PAN2: variants seen among roughly 807,000 people sequenced by gnomAD.
PAN2 encodes poly(A) specific ribonuclease subunit PAN2.
Under a neutral mutation model 133.3 loss-of-function variants are expected in PAN2, and 68 were observed. The observed-to-expected ratio is 0.51, with a 90% CI of 0.42 to 0.62. PAN2 has a LOEUF of 0.62. Among genes scored for constraint, PAN2 ranks in the 20% least tolerant of loss-of-function variants. PAN2 has a pLI of 0.00. For synonymous variants in PAN2, 462 were observed against 544.6 expected (o/e 0.85, Z 2.11); for missense variants, 1,042 against 1,500.5 (o/e 0.69, Z 5.05).
chr12:56,333,019 C>T lies in PAN2; in HGVS notation c.76G>A (p.Asp26Asn). 6.2e-7 allele frequency: 1 copy of T among 1,614,178 alleles called. No individual in the cohort carries two copies. Among genetic ancestry groups the T allele is most frequent in the Non-Finnish European group, 8.5e-7 (1 of 1,180,030 alleles). Residue 26 changes from aspartate (D) to asparagine (N), a missense_variant, in exon 2 of 26, where the codon GAT becomes AAT. By Grantham distance (23) the Asp-to-Asn change is conservative. Coordinates refer to ENST00000440411, the MANE Select transcript of PAN2 (RefSeq NM_014871.6). ...AGCAGACTTGGGTTCAGGTGGGCAT[C>T]CAAGACAGGGTCCAGGGCAGAATGC... ...AMHSALDPVL[D>N]AHLNPSLLQN...
At chr12:56,321,172 C>T (rs1422888073) in intron 20 of PAN2, among the ~76,000 whole-genome samples, 1 of 151,878 alleles carries the variant, frequency 6.6e-6, no homozygotes, top group African/African-American at 2.4e-5. Flanking sequence ...GTGATCCTCC[C>T]GCCTCAGCTT....
Position 56,325,343 on chromosome 12 carries a change from A to G in PAN2, c.1471T>C (p.Tyr491His). 6.2e-7 allele frequency: 1 copy of G among 1,614,110 alleles called. No individual in the cohort carries two copies. The highest frequency in any genetic ancestry group is 8.5e-7 in the Non-Finnish European group (1 of 1,179,996). ...CTGATGTCCCCCAGCACCTTGCGGT[A>G]TTTCTTAGAAACCATGTGGAGATGT... ...EPHLHMVSKKYRKVTIKYSKL... is the reference protein window; with the variant it reads ...EPHLHMVSKKHRKVTIKYSKL... The change falls in exon 9 of 26, where the codon TAC becomes CAC. Residue 491 changes from tyrosine to histidine, a missense_variant. By Grantham distance (83) the Tyr-to-His change is moderately conservative. Transcript: ENST00000440411.
chr12:56,320,745 CTTTTTTTTT>C (rs764563787), intron 20 of PAN2, among the ~76,000 whole-genome samples: 1 of 115,196 alleles, frequency 8.7e-6, no homozygotes, highest in African/African-American at 3.6e-5. Context: ...CTTACAGCTG[CTTTTTTTTT>C]TTTTTTTTTT....
At chr12:56,318,494 C>A in intron 24 of PAN2, 60 bp from the exon 25 acceptor site, 2 of 1,326,542 alleles carry the variant, frequency 1.5e-6, no homozygotes, top group Non-Finnish European at 2.2e-6. Context: ...GAACATGTCT[C>A]CCCACTCCTA....
chr12:56,332,565 A>G (rs75754909), intron 2 of PAN2, among the ~76,000 whole-genome samples: 6,800 of 147,536 alleles, frequency 0.046, 220 homozygotes, highest in Non-Finnish European at 0.068. Context: ...ACGCCATTGC[A>G]CTCTGGCCTA....
intron 20 of PAN2, among the ~76,000 whole-genome samples, chr12:56,321,544 TAAAA>T (rs11300464): frequency 1.4e-5 from 2 of 138,862 alleles, no homozygotes; most frequent in Non-Finnish European, 3.1e-5. Flanking sequence ...CTAGGCTAAT[TAAAA>T]AAAAAAAAAA....
rs1874666060 is a variant in PAN2, at chr12:56,322,461, A to G, written c.2659T>C (p.Tyr887His). 3 of 1,613,828 alleles carry G rather than the reference A, an allele frequency of 1.9e-6. No homozygotes were observed. The highest frequency in any genetic ancestry group is 2.2e-5 in the South Asian group (2 of 91,076). The change falls in exon 19 of 26, where the codon TAT becomes CAT. Residue 887 changes from tyrosine (Y) to histidine (H), a missense_variant. Transcript: ENST00000440411. Reference sequence around the variant, plus strand: ...TCAATAAGAAAGTCATTGAACAGATACCACTGCTGGTGAGTAACGCCCTAT... The same window carrying G: ...TCAATAAGAAAGTCATTGAACAGATGCCACTGCTGGTGAGTAACGCCCTAT... ...RKEGVTHQQW[Y>H]LFNDFLIEPI... is the part of the protein sequence containing the mutation.
In PAN2 at chr12:56,322,442, A is replaced by C; in HGVS notation, c.2678T>G (p.Leu893Arg). Residue 893 changes from leucine to arginine, a missense_variant, in exon 19 of 26, where the codon CTT becomes CGT. Around this residue, in one of 3 missense-constraint regions of PAN2, gnomAD observed 908 missense variants for 1,223.5 expected, o/e 0.74. Transcript: ENST00000440411. ...ACTAACCTTATCAATAGGTTCAATA[A>C]GAAAGTCATTGAACAGATACCACTG... Reference protein sequence around the residue: ...HQQWYLFNDFLIEPIDKHEAV... With the variant: ...HQQWYLFNDFRIEPIDKHEAV... The C allele has an allele frequency of 6.2e-7, 1 of 1,613,552 alleles. No homozygotes were observed. Among genetic ancestry groups the C allele is most frequent in the Non-Finnish European group, 8.5e-7 (1 of 1,179,424 alleles).
In PAN2 at chr12:56,319,592, G is replaced by T; in HGVS notation, c.3090+29C>A. On this transcript the variant is annotated intron_variant, in intron 22 of 25. Transcript: ENST00000440411. The surrounding 1 kb of genome is among the most constrained non-coding windows in gnomAD (Gnocchi z 5.4). ...GCACTGTAAGTAAGCACCAGGGTGT[G>T]CCTCACTTGCATCTCCATATCCTAA... 6.3e-7 allele frequency: 1 copy of T among 1,594,376 alleles called. No individual in the cohort carries two copies. Among genetic ancestry groups the T allele is most frequent in the Non-Finnish European group, 8.5e-7 (1 of 1,170,224 alleles).
In PAN2 at chr12:56,318,498, A is replaced by T. The variant is rs1049983332; in HGVS notation, c.3365-64T>A. ...AAGGGAGGTAGGAACATGTCTCCCCACTCCTACCTGACTCCAGAAAACTAA... is the reference window on the plus strand; with the variant it reads ...AAGGGAGGTAGGAACATGTCTCCCCTCTCCTACCTGACTCCAGAAAACTAA... On this transcript the variant is annotated intron_variant, in intron 24 of 25. Coordinates refer to ENST00000440411, the MANE Select transcript of PAN2 (RefSeq NM_014871.6). 1.1e-5 allele frequency: 14 copies of T among 1,267,308 alleles called. No individual in the cohort carries two copies. The African/African-American group carries it at 2.1e-4, about 19-fold the overall frequency. 78.5% of individuals were successfully genotyped at this position (1,267,308 alleles called of 1,614,324 possible). A position where few individuals can be genotyped will look rare whatever the true frequency, so the allele number is the denominator to read the frequency against.
At chr12:56,332,618 A>T (rs1876035285) in intron 2 of PAN2, 195 bp downstream of exon 2, 3 of 571,286 alleles carry the variant, frequency 5.3e-6, no homozygotes, top group Non-Finnish European at 9.3e-6. Flanking sequence ...AAAAAAAAAA[A>T]AGGGATGCCT....
intron 20 of PAN2, 123 bp from the exon 21 acceptor site, chr12:56,320,144 G>T: frequency 1.2e-6 from 1 of 830,948 alleles, no homozygotes; most frequent in Non-Finnish European, 1.9e-6. Flanking sequence ...CAAAGCACGT[G>T]AGAAAAAAGA....
At chr12:56,324,860 T>G in intron 10 of PAN2, 149 bp downstream of exon 10, 1 of 1,362,888 alleles carries the variant, frequency 7.3e-7, no homozygotes, top group South Asian at 1.4e-5. Flanking sequence ...CAGAGGAGAC[T>G]TGAAAGTTGT....
Position 56,322,060 on chromosome 12 carries a change from C to T in PAN2, c.2788+18G>A, listed in dbSNP as rs1874612644. 5 of 1,418,868 alleles carry T rather than the reference C, an allele frequency of 3.5e-6. No individual in the cohort carries two copies. The highest frequency in any genetic ancestry group is 2.3e-5 in the East Asian group (1 of 43,682). The allele number at this position is 1,418,868 out of a possible 1,614,324, so 87.9% of individuals were successfully genotyped here. ...ATCTAAACTGTCCACACACTTGGGT[C>T]TACTATGTAGCACTTACTGTTCAGG... On this transcript the variant is annotated intron_variant, in intron 20 of 25. Transcript: ENST00000440411.
rs560794203 is a variant in PAN2, at chr12:56,324,524, T to G, written c.1729-31A>C. On this transcript the variant is annotated intron_variant, in intron 11 of 25. Transcript: ENST00000440411. ...AATGTGTTGGTGGAAAGGGGTTATT[T>G]TGTCTTTTGTGTCCACCTTCCTTCC... 1,821 of 1,612,482 alleles carry G rather than the reference T, an allele frequency of 1.1e-3. 34 individuals are homozygous for G. The South Asian group carries it at 0.019, about 17-fold the overall frequency.
rs144721765 is a variant in PAN2, at chr12:56,323,810, G to A, written c.2169C>T (p.Pro723=). The change falls in exon 14 of 26, where the codon CCC becomes CCT. Residue 723 remains proline (P), a synonymous_variant. Coordinates refer to ENST00000440411, the MANE Select transcript of PAN2 (RefSeq NM_014871.6). ...TCCAGTCCAACAGTCCACTCACCGTGGGCTGGTACTTTTCACAGGTGTCAC... is the reference window on the plus strand; with the variant it reads ...TCCAGTCCAACAGTCCACTCACCGTAGGCTGGTACTTTTCACAGGTGTCAC... ...AWCDTCEKYQ[P]TIQTRNIRHL... is the part of the protein sequence containing the mutation. 4,381 of 1,607,810 alleles carry A rather than the reference G, an allele frequency of 2.7e-3. 36 individuals are homozygous for A. The highest frequency in any genetic ancestry group is 0.018 in the South Asian group (1,654 of 90,966).
At position 56,317,615 on chromosome 12, in the gene PAN2, C is replaced by CG; in HGVS notation, c.3590dup (p.Leu1198AlafsTer18). On this transcript the variant is annotated frameshift_variant, in exon 26 of 26. Coordinates refer to ENST00000440411, the MANE Select transcript of PAN2 (RefSeq NM_014871.6). LOFTEE classifies it high-confidence loss of function. ...GGTTCTTTGGGAAGGGTAGTCAGAG[C>CG]GCCAGCACTGAGGAGAAGACAGCTG... The CG allele has an allele frequency of 6.2e-7, 1 of 1,613,502 alleles. No homozygotes were observed. Among genetic ancestry groups the CG allele is most frequent in the Non-Finnish European group, 8.5e-7 (1 of 1,179,618 alleles).
chr12:56,318,173 T>A, intron 25 of PAN2, 64 bp downstream of exon 25: 1 of 1,403,596 alleles, frequency 7.1e-7, no homozygotes, highest in Non-Finnish European at 1.0e-6. Context: ...TGAGACCCTG[T>A]CACAAACAAA....
chr12:56,319,507 C>A lies in PAN2; in HGVS notation c.3091-20G>T. 1 of 1,605,102 alleles carries A rather than the reference C, an allele frequency of 6.2e-7. No homozygotes were observed. The highest frequency in any genetic ancestry group is 1.1e-5 in the South Asian group (1 of 90,186). On this transcript the variant is annotated intron_variant, in intron 22 of 25. Coordinates refer to ENST00000440411, the MANE Select transcript of PAN2 (RefSeq NM_014871.6). This position sits in a 1 kb window ranked among gnomAD's most constrained non-coding sequence, Gnocchi z 5.4. ...CACCACCTAGGAATAGAGAAAAGGACAAGCCTTTTTCAGGAAGTGAGATGG... is the reference window on the plus strand; with the variant it reads ...CACCACCTAGGAATAGAGAAAAGGAAAAGCCTTTTTCAGGAAGTGAGATGG...
Sources: allele counts gnomAD v4.1 joint callset (sites outside exome capture counted in the v4.1 genomes callset), GRCh38; gene constraint gnomAD v4.1.1; regional missense constraint gnomAD v4.1.1; non-coding constraint Gnocchi (gnomAD v3.1); transcripts MANE v1.5; gene names NCBI Gene and HGNC (gene_info 2026-07-23, HGNC 2026-07-21).